Variants in UNC13C observed in about 807,000 individuals in gnomAD.
The protein encoded by UNC13C is protein unc-13 homolog C.
UNC13C carries 174 observed loss-of-function variants against 245.4 expected under a neutral mutation model. The observed-to-expected ratio is 0.71, with a 90% CI of 0.63 to 0.80. UNC13C has a LOEUF of 0.80. Among genes scored for constraint, UNC13C ranks in the 30% least tolerant of loss-of-function variants. The probability of loss-of-function intolerance (pLI) is 0.00; values close to 1 mark genes in which losing one functional copy is unlikely to be tolerated. For synonymous variants in UNC13C, 992 were observed against 895.1 expected (o/e 1.11, Z -1.93); for missense variants, 2,829 against 2,602.9 (o/e 1.09, Z -1.89).
the UNC13C span, among the ~76,000 whole-genome samples, chr15:53,880,524 G>T: frequency 1.3e-5 from 2 of 152,122 alleles, no homozygotes; most frequent in Non-Finnish European, 2.9e-5. Flanking sequence ...GTGACAGCAC[G>T]AACAGCCTTC....
rs1451262581 is a variant in UNC13C at position 54,013,388 on chromosome 15, C to T, written c.485C>T (p.Pro162Leu). ...AGAAAGAGTTCAAGCAGCCTTGCACCCTCTGAGGGCAGCTCTGACGGGGAG... is the reference window on the plus strand; with the variant it reads ...AGAAAGAGTTCAAGCAGCCTTGCACTCTCTGAGGGCAGCTCTGACGGGGAG... ...RNRKSSSSLA[P>L]SEGSSDGERT... The change falls in exon 2 of 33, where the codon CCC becomes CTC. Residue 162 changes from proline to leucine, a missense_variant. Transcript: ENST00000260323. 3 of 1,613,774 alleles carry T rather than the reference C, an allele frequency of 1.9e-6. No homozygotes were observed. Among genetic ancestry groups the T allele is most frequent in the Non-Finnish European group, 2.5e-6 (3 of 1,179,838 alleles).
rs947603302 is a variant in UNC13C at position 54,411,547 on chromosome 15, C to A, written c.4848-3435C>A. On this transcript the variant is annotated intron_variant, in intron 18 of 32. Coordinates refer to ENST00000260323, the MANE Select transcript of UNC13C (RefSeq NM_001080534.3). ...GCAAGGTATGAGTCAAGATTTTTTT[C>A]TTTTTTGCATGTGGTTATTCAAGTA... Among the ~76,000 whole-genome samples the A allele has an allele frequency of 2.6e-5, 4 of 151,892 alleles. No individual in the cohort carries two copies. The East Asian group carries it at 7.7e-4, about 29-fold the overall frequency.
intron 4 of UNC13C, among the ~76,000 whole-genome samples, chr15:54,197,999 G>A (rs534896174): frequency 5.3e-5 from 8 of 152,246 alleles, no homozygotes; most frequent in African/African-American, 1.9e-4. Context: ...GAGTGAGACA[G>A]GCCTTTAGGA....
At chr15:54,574,666 A>G (rs1250023877) in intron 30 of UNC13C, among the ~76,000 whole-genome samples, 1 of 152,182 alleles carries the variant, frequency 6.6e-6, no homozygotes, top group African/African-American at 2.4e-5. Context: ...AGAAGTTACA[A>G]CAGTTCCATA....
the UNC13C span, among the ~76,000 whole-genome samples, chr15:53,887,304 A>T: frequency 6.6e-6 from 1 of 152,174 alleles, no homozygotes; most frequent in East Asian, 1.9e-4. Flanking sequence ...GATATCCTTA[A>T]AATCCCCCGT....
At chr15:54,241,547 C>A (rs915435230) in intron 7 of UNC13C, among the ~76,000 whole-genome samples, 1 of 152,212 alleles carries the variant, frequency 6.6e-6, no homozygotes, top group African/African-American at 2.4e-5. Flanking sequence ...AACTCCACCT[C>A]TCACTAGCTT....
At chr15:53,934,256 G>A in the UNC13C span, among the ~76,000 whole-genome samples, 2 of 152,132 alleles carry the variant, frequency 1.3e-5, no homozygotes, top group Non-Finnish European at 2.9e-5. Flanking sequence ...CTCCAACAAT[G>A]GATATTAACT....
intron 19 of UNC13C, among the ~76,000 whole-genome samples, chr15:54,445,685 G>A (rs993885243): frequency 2.0e-5 from 3 of 152,136 alleles, no homozygotes; most frequent in Non-Finnish European, 2.9e-5. Context: ...GTAGATTCTG[G>A]ATATTAGCCC....
At chr15:53,907,914 A>G in the UNC13C span, among the ~76,000 whole-genome samples, 1 of 146,756 alleles carries the variant, frequency 6.8e-6, no homozygotes, top group African/African-American at 2.4e-5. Flanking sequence ...CACCCTTGAT[A>G]TTTAATTTGT....
intron 1 of UNC13C, among the ~76,000 whole-genome samples, chr15:54,000,457 A>G (rs1894835463): frequency 6.6e-6 from 1 of 152,194 alleles, no homozygotes; most frequent in Non-Finnish European, 1.5e-5. Context: ...TGATATTATT[A>G]TACCATTACA....
chr15:54,231,170 A>G (rs2035541075), intron 4 of UNC13C, among the ~76,000 whole-genome samples: 2 of 152,224 alleles, frequency 1.3e-5, no homozygotes, highest in African/African-American at 4.8e-5. Flanking sequence ...CCTGAAATAC[A>G]TTGAAAAAAT....
intron 2 of UNC13C, among the ~76,000 whole-genome samples, chr15:54,019,754 G>A (rs1456217790): frequency 6.6e-6 from 1 of 152,148 alleles, no homozygotes; most frequent in Non-Finnish European, 1.5e-5. Context: ...TAAAACTGAA[G>A]GTATTAAAAT....
At chr15:53,950,988 G>A in the UNC13C span, among the ~76,000 whole-genome samples, 1 of 152,182 alleles carries the variant, frequency 6.6e-6, no homozygotes, top group Non-Finnish European at 1.5e-5. Context: ...GTTATACTCT[G>A]CTCTGTGATT....
chr15:54,219,902 A>T (rs1221381609), intron 4 of UNC13C, among the ~76,000 whole-genome samples: 7 of 151,758 alleles, frequency 4.6e-5, no homozygotes, highest in South Asian at 2.1e-4. Flanking sequence ...TGAGATACCA[A>T]CTCACACCAG....
At chr15:54,512,323 C>G (rs544449710) in intron 24 of UNC13C, 1 of 455,860 alleles carries the variant, frequency 2.2e-6, no homozygotes, top group East Asian at 7.0e-5. Flanking sequence ...TGTCCAACAT[C>G]TTTGACTTGC....
At position 54,236,317 on chromosome 15, in the gene UNC13C, A is replaced by G. The variant is rs189419183; in HGVS notation, c.3151-113A>G. ...TTTAGTTCAAATTTCTGTCTTCACT[A>G]TGTGGAAATAATTGTAAAGTGTTAG... On this transcript the variant is annotated intron_variant, in intron 5 of 32. Transcript: ENST00000260323. The G allele has an allele frequency of 1.1e-5, 9 of 786,708 alleles. No homozygotes were observed. The East Asian group carries it at 1.8e-4, about 16-fold the overall frequency. The allele number at this position is 786,708 out of a possible 1,614,324, so 48.7% of individuals were successfully genotyped here.
At chr15:53,932,703 T>C in the UNC13C span, among the ~76,000 whole-genome samples, 1 of 152,276 alleles carries the variant, frequency 6.6e-6, no homozygotes, top group East Asian at 1.9e-4. Context: ...GCAGTTTCCT[T>C]AGCTTTGACC....
At chr15:54,078,307 G>A (rs1476971735) in intron 2 of UNC13C, among the ~76,000 whole-genome samples, 1 of 152,112 alleles carries the variant, frequency 6.6e-6, no homozygotes, top group African/African-American at 2.4e-5. Context: ...TAAGAGTCCG[G>A]CTATATTTTT....
At chr15:54,295,680 C>CAAA (rs34686235) in intron 11 of UNC13C, among the ~76,000 whole-genome samples, 12,332 of 149,376 alleles carry the variant, frequency 0.083, 1,816 homozygotes, top group African/African-American at 0.3. Context: ...AGAAGAAGAA[C>CAAA]AAAAAGAAAA....
Sources: allele counts gnomAD v4.1 joint callset (sites outside exome capture counted in the v4.1 genomes callset), GRCh38; gene constraint gnomAD v4.1.1; transcripts MANE v1.5; gene names NCBI Gene and HGNC (gene_info 2026-07-23, HGNC 2026-07-21).